The following C8orf34 variants were observed in gnomAD, a reference collection of about 807,000 sequenced individuals.
C8orf34 encodes uncharacterized protein C8orf34.
Under a neutral mutation model 68.3 loss-of-function variants are expected in C8orf34, and 65 were observed. The observed-to-expected ratio is 0.95, with a 90% CI of 0.78 to 1.17. C8orf34 has a LOEUF of 1.17. C8orf34 is among the 50% of genes most tolerant of loss of function. The pLI, the probability that C8orf34 is intolerant of heterozygous loss-of-function variation, is 0.00. For synonymous variants in C8orf34, 244 were observed against 241.2 expected (o/e 1.01, Z -0.11); for missense variants, 664 against 655.4 (o/e 1.01, Z -0.14).
intron 3 of C8orf34, among the ~76,000 whole-genome samples, chr8:68,452,249 TATA>T (rs559500790): frequency 2.3e-4 from 34 of 150,366 alleles, no homozygotes; most frequent in Admixed American, 1.7e-3. Flanking sequence ...ATATAAATAA[TATA>T]ATAATTTATA....
At chr8:68,698,510 C>A (rs996807481) in intron 8 of C8orf34, among the ~76,000 whole-genome samples, 2 of 152,036 alleles carry the variant, frequency 1.3e-5, no homozygotes, top group Admixed American at 6.6e-5. Context: ...CTAACAGATG[C>A]TTCCAAGGAA....
chr8:68,602,849 C>T (rs906313057), intron 7 of C8orf34, among the ~76,000 whole-genome samples: 1 of 152,086 alleles, frequency 6.6e-6, no homozygotes, highest in Non-Finnish European at 1.5e-5. Context: ...TGGCTTTTTG[C>T]TGAGGTAGGG....
intron 7 of C8orf34, among the ~76,000 whole-genome samples, chr8:68,576,551 A>G (rs1322490132): frequency 1.3e-5 from 2 of 151,448 alleles, no homozygotes; most frequent in Non-Finnish European, 2.9e-5. Flanking sequence ...TAAATTTATT[A>G]TAGGTAAAGG....
chr8:68,632,635 C>A (rs1213290093), intron 7 of C8orf34, among the ~76,000 whole-genome samples: 1 of 152,132 alleles, frequency 6.6e-6, no homozygotes, highest in Non-Finnish European at 1.5e-5. Flanking sequence ...GCAAGCCTGG[C>A]AGCCTAGTAG....
chr8:68,721,498 G>T, intron 10 of C8orf34, 61 bp downstream of exon 10: 1 of 1,081,432 alleles, frequency 9.2e-7, no homozygotes, highest in Non-Finnish European at 1.4e-6. Flanking sequence ...TTACTAGTAG[G>T]TAAATCTAAA....
At chr8:68,722,984 G>C (rs886488657) in intron 10 of C8orf34, among the ~76,000 whole-genome samples, 3 of 152,020 alleles carry the variant, frequency 2.0e-5, no homozygotes, top group African/African-American at 7.2e-5. Flanking sequence ...TCTATTCAAT[G>C]CAGAGATATC....
chr8:68,696,796 C>A (rs1042384603), intron 8 of C8orf34, among the ~76,000 whole-genome samples: 1 of 151,982 alleles, frequency 6.6e-6, no homozygotes, highest in Non-Finnish European at 1.5e-5. Context: ...TTATAATTTC[C>A]TTTAGCTATA....
At position 68,756,065 on chromosome 8, in the gene C8orf34, T is replaced by TAA. The variant is rs11393380; in HGVS notation, c.1405-20327_1405-20326dup. 4.6e-4 allele frequency among the ~76,000 whole-genome samples: 64 copies of TAA among 140,450 alleles called. No individual in the cohort carries two copies. The East Asian group carries it at 0.011, about 23-fold the overall frequency. 92.1% of individuals were successfully genotyped at this position (140,450 alleles called of 152,430 possible). On this transcript the variant is annotated intron_variant, in intron 10 of 13. Coordinates refer to ENST00000518698, the MANE Select transcript of C8orf34 (RefSeq NM_052958.4). ...CTGGGCGACAGAGTGAGACTCTATC[T>TAA]AAAAAAAACAAACAAAAAAACAAAA...
intron 4 of C8orf34, among the ~76,000 whole-genome samples, chr8:68,473,493 T>C (rs1261794905): frequency 6.6e-6 from 1 of 152,146 alleles, no homozygotes; most frequent in Non-Finnish European, 1.5e-5. Context: ...ACATCCCTAG[T>C]CCCAGATAGC....
intron 7 of C8orf34, among the ~76,000 whole-genome samples, chr8:68,547,306 A>G (rs1299341614): frequency 6.6e-6 from 1 of 151,810 alleles, no homozygotes; most frequent in Non-Finnish European, 1.5e-5. Context: ...TATTCTGACA[A>G]AACACATCAC....
intron 1 of C8orf34, among the ~76,000 whole-genome samples, chr8:68,390,789 G>A (rs1284147480): frequency 2.6e-5 from 4 of 152,130 alleles, no homozygotes; most frequent in African/African-American, 9.7e-5. Context: ...AGAGCCAATA[G>A]AGAGTTATTT....
At chr8:68,615,531 G>C (rs953186683) in intron 7 of C8orf34, among the ~76,000 whole-genome samples, 5 of 152,174 alleles carry the variant, frequency 3.3e-5, no homozygotes, top group Admixed American at 2.6e-4. Context: ...GGCCTTTTCT[G>C]CATCTATTGA....
intron 8 of C8orf34, among the ~76,000 whole-genome samples, chr8:68,663,537 C>A (rs1354675040): frequency 6.6e-6 from 1 of 152,138 alleles, no homozygotes; most frequent in Non-Finnish European, 1.5e-5. Flanking sequence ...TGAACTTGAG[C>A]AAAGTTCTTA....
At chr8:68,634,658 T>C (rs1016271155) in intron 7 of C8orf34, among the ~76,000 whole-genome samples, 1 of 152,176 alleles carries the variant, frequency 6.6e-6, no homozygotes, top group Non-Finnish European at 1.5e-5. Context: ...TTTTGTTCTT[T>C]GTATATTTAG....
chr8:68,531,222 G>A (rs1358130030), intron 6 of C8orf34, among the ~76,000 whole-genome samples: 1 of 152,080 alleles, frequency 6.6e-6, no homozygotes, highest in Non-Finnish European at 1.5e-5. Flanking sequence ...GTTATCTAAT[G>A]TAGAGTCCAC....
At chr8:68,387,749 T>G (rs529155701) in intron 1 of C8orf34, among the ~76,000 whole-genome samples, 1 of 152,344 alleles carries the variant, frequency 6.6e-6, no homozygotes, top group East Asian at 1.9e-4. Flanking sequence ...GCTCATTCTT[T>G]GATCTACCTA....
chr8:68,553,780 A>C (rs911593982), intron 7 of C8orf34, among the ~76,000 whole-genome samples: 1 of 152,196 alleles, frequency 6.6e-6, no homozygotes, highest in East Asian at 1.9e-4. Context: ...ACTTTTGTCA[A>C]TATTTCAAAG....
At chr8:68,651,557 A>G (rs1343788862) in intron 8 of C8orf34, among the ~76,000 whole-genome samples, 2 of 152,248 alleles carry the variant, frequency 1.3e-5, no homozygotes, top group African/African-American at 4.8e-5. Flanking sequence ...AAAACAGTAT[A>G]CTGGCCGCTA....
At chr8:68,590,700 A>T (rs778947382) in intron 7 of C8orf34, among the ~76,000 whole-genome samples, 1 of 152,206 alleles carries the variant, frequency 6.6e-6, no homozygotes, top group Non-Finnish European at 1.5e-5. Context: ...TCTAATCAGT[A>T]TGAAGCTTGA....
Sources: allele counts gnomAD v4.1 joint callset (sites outside exome capture counted in the v4.1 genomes callset), GRCh38; gene constraint gnomAD v4.1.1; transcripts MANE v1.5; gene names NCBI Gene and HGNC (gene_info 2026-07-23, HGNC 2026-07-21).